ANK2: variants seen among roughly 807,000 people sequenced by gnomAD.
ANK2 encodes ankyrin-2.
ANK2 carries 83 observed loss-of-function variants against 360.5 expected under a neutral mutation model. The observed-to-expected ratio is 0.23, with a 90% CI of 0.19 to 0.28. The LOEUF is 0.28. Ranked by LOEUF, ANK2 falls within the 10% of genes least tolerant of loss-of-function variation. The pLI, the probability that ANK2 is intolerant of heterozygous loss-of-function variation, is 1.00. For synonymous variants in ANK2, 1,740 were observed against 1,759.5 expected (o/e 0.99, Z 0.28); for missense variants, 4,201 against 4,795.7 (o/e 0.88, Z 3.66).
intron 13 of ANK2, among the ~76,000 whole-genome samples, chr4:113,264,414 A>T (rs567222571): frequency 6.6e-6 from 1 of 152,318 alleles, no homozygotes; most frequent in African/African-American, 2.4e-5. Context: ...TTCATCACCA[A>T]AATCAATTTA....
upstream of ANK2, among the ~76,000 whole-genome samples, chr4:113,046,866 T>C (rs2064626029): frequency 1.3e-5 from 2 of 152,298 alleles, no homozygotes; most frequent in South Asian, 2.1e-4. Flanking sequence ...ACAAAGGCTG[T>C]CAGAACATAA....
intron 2 of ANK2, among the ~76,000 whole-genome samples, chr4:112,954,229 C>G (rs112913478): frequency 7.1e-6 from 1 of 141,374 alleles, no homozygotes; most frequent in African/African-American, 2.8e-5. Context: ...CTCCCTCCCT[C>G]CCTTCCTTCC....
rs548587423 is a variant in ANK2 at position 113,072,500 on chromosome 4, G to A, written c.84+22688G>A. On this transcript the variant is annotated intron_variant, in intron 1 of 45. Transcript: ENST00000357077. ...CTCTTCCTGCCGGACTGGTCTTTGT[G>A]ATGTTCAAATAAAGTGAGCATGAGA... 5.3e-5 allele frequency among the ~76,000 whole-genome samples: 8 copies of A among 152,296 alleles called. No individual in the cohort carries two copies. In the South Asian group the frequency reaches 1.7e-3, roughly 32 times the overall value.
chr4:113,191,841 C>G (rs1020381886), intron 2 of ANK2, among the ~76,000 whole-genome samples: 5 of 152,132 alleles, frequency 3.3e-5, no homozygotes, highest in Admixed American at 3.3e-4. Flanking sequence ...ACTGGAGAGA[C>G]AGCACGGGAG....
At chr4:112,749,469 G>C in the ANK2 span, among the ~76,000 whole-genome samples, 2 of 152,110 alleles carry the variant, frequency 1.3e-5, no homozygotes, top group African/African-American at 2.4e-5. Context: ...TGGAATTTTG[G>C]GAGGAAAGTT....
At chr4:112,788,693 C>T in the ANK2 span, 14 of 1,598,570 alleles carry the variant, frequency 8.8e-6, no homozygotes, top group Non-Finnish European at 1.2e-5. Flanking sequence ...GCTGCTGCAA[C>T]CTGATATAGC....
intron 2 of ANK2, among the ~76,000 whole-genome samples, chr4:112,925,245 A>T (rs147768676): frequency 6.6e-6 from 1 of 152,324 alleles, no homozygotes; most frequent in Non-Finnish European, 1.5e-5. Context: ...TTGTGATAAA[A>T]GCTAGTTTTT....
chr4:112,895,755 A>G (rs2081540638), intron 1 of ANK2, among the ~76,000 whole-genome samples: 1 of 152,228 alleles, frequency 6.6e-6, no homozygotes, highest in African/African-American at 2.4e-5. Context: ...ATCCCACAAA[A>G]TCTGTCCTCA....
chr4:113,324,808 C>T (rs2153889316), intron 26 of ANK2, among the ~76,000 whole-genome samples: 1 of 152,112 alleles, frequency 6.6e-6, no homozygotes, highest in Admixed American at 6.5e-5. Flanking sequence ...GATTTTTTTT[C>T]CTGTTCTTTC....
At chr4:112,814,512 T>C (rs777749960), upstream of ANK2, among the ~76,000 whole-genome samples, 2 of 152,148 alleles carry the variant, frequency 1.3e-5, no homozygotes, top group Non-Finnish European at 2.9e-5. Context: ...AGTGGCATGA[T>C]TGTGGCTCAT....
Position 113,373,436 on chromosome 4 carries a change from C to G in ANK2, c.11846C>G (p.Thr3949Ser), listed in dbSNP as rs2154075186. 6.2e-7 allele frequency: 1 copy of G among 1,614,074 alleles called. No homozygotes were observed. The highest frequency in any genetic ancestry group is 8.5e-7 in the Non-Finnish European group (1 of 1,179,978). Residue 3949 changes from threonine (T) to serine (S), a missense_variant, in exon 45 of 46, where the codon ACC becomes AGC. Physicochemically the swap from Thr to Ser is moderately conservative, Grantham distance 58. Coordinates refer to ENST00000357077, the MANE Select transcript of ANK2 (RefSeq NM_001148.6). ...AAGCGTGTTGTATTGAAGAGTGACA[C>G]CGAGCAGTCAGAGGTGAGACAACCT... Reference protein sequence around the residue: ...VIKRVVLKSDTEQSEDNNE With the variant: ...VIKRVVLKSDSEQSEDNNE
At chr4:113,171,919 C>A (rs2097974195) in intron 1 of ANK2, among the ~76,000 whole-genome samples, 1 of 152,132 alleles carries the variant, frequency 6.6e-6, no homozygotes, top group Non-Finnish European at 1.5e-5. Flanking sequence ...ATTGGTGTTT[C>A]TAGGTGTCTC....
intron 20 of ANK2, among the ~76,000 whole-genome samples, chr4:113,291,914 T>G (rs2067861096): frequency 6.6e-6 from 1 of 152,162 alleles, no homozygotes; most frequent in Non-Finnish European, 1.5e-5. Context: ...TTTCAATGAT[T>G]TAGAATCCCT....
chr4:112,828,872 G>A (rs1006325538), intron 1 of ANK2, among the ~76,000 whole-genome samples: 1 of 152,194 alleles, frequency 6.6e-6, no homozygotes, highest in African/African-American at 2.4e-5. Context: ...GGGCAAAGGA[G>A]GCTGGGTGTG....
At chr4:112,853,652 G>A (rs1218867371) in intron 1 of ANK2, among the ~76,000 whole-genome samples, 1 of 152,138 alleles carries the variant, frequency 6.6e-6, no homozygotes, top group Non-Finnish European at 1.5e-5. Flanking sequence ...CTTGAGAAAG[G>A]TTCATTTCCT....
chr4:112,817,333 T>C (rs2055749131), upstream of ANK2, among the ~76,000 whole-genome samples: 1 of 152,118 alleles, frequency 6.6e-6, no homozygotes, highest in South Asian at 2.1e-4. Context: ...ATCCAACCCC[T>C]CCACCATTTT....
At chr4:113,259,741 T>C (rs2051527775) in intron 13 of ANK2, among the ~76,000 whole-genome samples, 1 of 151,808 alleles carries the variant, frequency 6.6e-6, no homozygotes, top group South Asian at 2.1e-4. Context: ...TAATTTCTAG[T>C]CACTTCTTAG....
intron 2 of ANK2, among the ~76,000 whole-genome samples, chr4:112,974,648 T>A (rs2040720120): frequency 6.6e-6 from 1 of 152,230 alleles, no homozygotes; most frequent in Non-Finnish European, 1.5e-5. Flanking sequence ...AAATGGATTA[T>A]CTCCTTTATC....
intron 29 of ANK2, among the ~76,000 whole-genome samples, chr4:113,334,861 A>C (rs1168835073): frequency 6.6e-6 from 1 of 151,360 alleles, no homozygotes; most frequent in East Asian, 1.9e-4. Context: ...CTATTACTAG[A>C]AAGTTAAAGA....
Sources: allele counts gnomAD v4.1 joint callset (sites outside exome capture counted in the v4.1 genomes callset), GRCh38; gene constraint gnomAD v4.1.1; transcripts MANE v1.5; gene names NCBI Gene and HGNC (gene_info 2026-07-23, HGNC 2026-07-21).